Variants in TBCK observed in about 807,000 individuals in gnomAD.
TBCK encodes the protein TBC1 domain containing kinase.
A neutral mutation model predicts 113.4 loss-of-function variants in TBCK; 99 were observed. The observed-to-expected ratio is 0.87, with a 90% CI of 0.74 to 1.03. The LOEUF is 1.03. Among genes scored for constraint, TBCK ranks in the 50% least tolerant of loss-of-function variants. The probability of loss-of-function intolerance (pLI) is 0.00; values close to 1 mark genes in which losing one functional copy is unlikely to be tolerated. For synonymous variants in TBCK, 369 were observed against 370.8 expected, an observed-to-expected ratio of 1.00 and a Z score of 0.05; for missense variants, 1,045 against 1,061.3, an observed-to-expected ratio of 0.98 and a Z score of 0.21.
intron 23 of TBCK, among the ~76,000 whole-genome samples, chr4:106,134,361 T>A (rs1746321910): frequency 6.6e-6 from 1 of 152,138 alleles, no homozygotes; most frequent in South Asian, 2.1e-4. Context: ...GATAAATGAA[T>A]GTATGTATAA....
chr4:106,306,102 G>GA (rs1382690185), intron 2 of TBCK, among the ~76,000 whole-genome samples: 1 of 151,786 alleles, frequency 6.6e-6, no homozygotes, highest in East Asian at 1.9e-4. Flanking sequence ...CTTCTCTTGG[G>GA]GGTCTGGATT....
chr4:106,082,780 C>A (rs1230406986), intron 25 of TBCK, among the ~76,000 whole-genome samples: 1 of 152,070 alleles, frequency 6.6e-6, no homozygotes. Context: ...GTTCTCTCAT[C>A]AAAATTGACT....
At chr4:106,123,477 C>G (rs1744724694) in intron 23 of TBCK, among the ~76,000 whole-genome samples, 1 of 152,146 alleles carries the variant, frequency 6.6e-6, no homozygotes, top group African/African-American at 2.4e-5. Context: ...AATGCCATCC[C>G]CATAAAGCTA....
At chr4:106,202,306 T>C (rs6818626) in intron 20 of TBCK, among the ~76,000 whole-genome samples, 21,457 of 151,936 alleles carry the variant, frequency 0.14, 1,707 homozygotes, top group South Asian at 0.25. Flanking sequence ...TATTCTCAAC[T>C]ATGCTTAAAA....
At chr4:106,251,843 T>G (rs1579400901) in intron 6 of TBCK, 23 bp downstream of exon 6, 2 of 1,481,824 alleles carry the variant, frequency 1.3e-6, no homozygotes, top group East Asian at 4.7e-5. Flanking sequence ...CCTTTTATTA[T>G]ATTAATATTT....
chr4:106,105,504 C>T (rs1211806626), intron 24 of TBCK, among the ~76,000 whole-genome samples: 1 of 152,206 alleles, frequency 6.6e-6, no homozygotes, highest in Non-Finnish European at 1.5e-5. Context: ...GAGGAGCCCA[C>T]ACTTTCAGAG....
intron 19 of TBCK, 51 bp downstream of exon 19, chr4:106,230,312 C>G (rs375571678): frequency 2.5e-6 from 3 of 1,184,338 alleles, no homozygotes; most frequent in Non-Finnish European, 3.6e-6. Flanking sequence ...CATCAGCACA[C>G]CAGTACATCA....
At chr4:106,254,093 A>G (rs908365746) in intron 5 of TBCK, among the ~76,000 whole-genome samples, 3 of 151,760 alleles carry the variant, frequency 2.0e-5, no homozygotes, top group African/African-American at 7.3e-5. Context: ...CTTCTTTCCA[A>G]TCTTGAAGAA....
intron 23 of TBCK, among the ~76,000 whole-genome samples, chr4:106,141,804 A>G (rs1747173983): frequency 7.1e-6 from 1 of 141,124 alleles, no homozygotes. Context: ...TTCTTCATTT[A>G]GCTATAAGTT....
chr4:106,291,493 C>A (rs1254055347), intron 3 of TBCK, among the ~76,000 whole-genome samples: 1 of 152,170 alleles, frequency 6.6e-6, no homozygotes, highest in Non-Finnish European at 1.5e-5. Flanking sequence ...TATGTGGCGA[C>A]CAGCTATCCA....
At chr4:106,204,751 A>ATTTGTTTTTTTTTT (rs1755259656) in intron 20 of TBCK, among the ~76,000 whole-genome samples, 1 of 87,272 alleles carries the variant, frequency 1.1e-5, no homozygotes, top group Non-Finnish European at 2.2e-5. Context: ...ACAAACAATG[A>ATTTGTTTTTTTTTT]TTTTTTTTTT....
intron 3 of TBCK, among the ~76,000 whole-genome samples, chr4:106,283,730 T>C (rs900720502): frequency 1.3e-5 from 2 of 151,802 alleles, no homozygotes; most frequent in Non-Finnish European, 2.9e-5. Context: ...TCAGATCCTA[T>C]GCTAATAAGA....
chr4:106,154,641 T>C (rs1748915893), intron 23 of TBCK, among the ~76,000 whole-genome samples: 1 of 152,130 alleles, frequency 6.6e-6, no homozygotes, highest in African/African-American at 2.4e-5. Flanking sequence ...CTTATTCCTG[T>C]TTCTGCCACG....
At chr4:106,263,314 AAG>A (rs1451430661) in intron 3 of TBCK, among the ~76,000 whole-genome samples, 1 of 151,980 alleles carries the variant, frequency 6.6e-6, no homozygotes, top group African/African-American at 2.4e-5. Flanking sequence ...AAAAGGAAAA[AAG>A]AACAGAACAA....
At chr4:106,315,070 G>T (rs62318116) in intron 1 of TBCK, among the ~76,000 whole-genome samples, 4 of 151,970 alleles carry the variant, frequency 2.6e-5, no homozygotes, top group African/African-American at 4.8e-5. Context: ...TACATAAAAA[G>T]GCTCACACAC....
At chr4:106,145,126 T>C (rs1747622335) in intron 23 of TBCK, among the ~76,000 whole-genome samples, 1 of 151,764 alleles carries the variant, frequency 6.6e-6, no homozygotes, top group Non-Finnish European at 1.5e-5. Flanking sequence ...GAGACCATCC[T>C]GGCCAACATG....
At chr4:106,266,584 A>G (rs1763014502) in intron 3 of TBCK, among the ~76,000 whole-genome samples, 1 of 151,886 alleles carries the variant, frequency 6.6e-6, no homozygotes, top group Non-Finnish European at 1.5e-5. Context: ...GTTAAAAATG[A>G]GCTGATGAAC....
chr4:106,188,940 G>A (rs1483867440), intron 22 of TBCK, among the ~76,000 whole-genome samples: 1 of 152,118 alleles, frequency 6.6e-6, no homozygotes, highest in Non-Finnish European at 1.5e-5. Flanking sequence ...TGGAGGTGAT[G>A]TATTGTAATA....
At chr4:106,087,426 A>G (rs1015220242) in intron 25 of TBCK, among the ~76,000 whole-genome samples, 1 of 152,188 alleles carries the variant, frequency 6.6e-6, no homozygotes, top group African/African-American at 2.4e-5. Flanking sequence ...TCAAGCAAAT[A>G]AGACAGGACA....
Sources: gnomAD v4.1 joint callset for allele counts (sites outside exome capture counted in the v4.1 genomes callset) on GRCh38, gnomAD v4.1.1 for gene constraint, MANE v1.5 for transcripts, NCBI Gene and HGNC (gene_info 2026-07-23, HGNC 2026-07-21) for gene names.